Variants in PRDM16 observed in about 807,000 individuals in gnomAD.
PRDM16 encodes the protein histone-lysine N-methyltransferase PRDM16.
In PRDM16, 23 loss-of-function variants were observed where a neutral mutation model predicts 110.6. The ratio of observed to expected loss-of-function variants is 0.21; its 90% CI spans 0.15 to 0.29. The LOEUF (loss-of-function observed/expected upper bound fraction) is 0.29. PRDM16 is among the 10% of genes least tolerant of loss of function. The probability of loss-of-function intolerance (pLI) is 1.00; values close to 1 mark genes in which losing one functional copy is unlikely to be tolerated. For synonymous variants in PRDM16, 799 were observed against 781.8 expected (o/e 1.02, Z -0.37); for missense variants, 1,615 against 1,794.3 (o/e 0.90, Z 1.81).
Position 3,370,990 on chromosome 1 carries a change from G to A in PRDM16, c.439-14162G>A, listed in dbSNP as rs1010094042. ...TCATCCATTTGTCCATCCACCCACC[G>A]ATCCACCATCTATTCATCCATCCAT... On this transcript the variant is annotated intron_variant, in intron 3 of 16. Coordinates refer to ENST00000270722, the MANE Select transcript of PRDM16 (RefSeq NM_022114.4). The surrounding 1 kb of genome is among the most constrained non-coding windows in gnomAD (Gnocchi z 4.8). 5.9e-5 allele frequency among the ~76,000 whole-genome samples: 7 copies of A among 119,118 alleles called. No homozygotes were observed. The highest frequency in any genetic ancestry group is 1.0e-4 in the Non-Finnish European group (6 of 57,176). 78.1% of individuals were successfully genotyped at this position (119,118 alleles called of 152,430 possible). A position where few individuals can be genotyped will look rare whatever the true frequency, so the allele number is the denominator to read the frequency against.
Position 3,417,852 on chromosome 1 carries a change from G to A in PRDM16, c.2716G>A (p.Glu906Lys). 6.2e-7 allele frequency: 1 copy of A among 1,613,864 alleles called. No individual in the cohort carries two copies. The highest frequency in any genetic ancestry group is 8.5e-7 in the Non-Finnish European group (1 of 1,179,964). The change falls in exon 11 of 17, where the codon GAG (glutamate) becomes AAG (lysine). Residue 906 changes from glutamate (E) to lysine (K), a missense_variant. Around this residue, in one of 5 missense-constraint regions of PRDM16, gnomAD observed 772 missense variants for 748.3 expected, o/e 1.03. Coordinates refer to ENST00000270722, the MANE Select transcript of PRDM16 (RefSeq NM_022114.4). ...GATGTCAGCCATAGAGACCATGACA[G>A]AGAAGCTGGAGAGCTTTGCAGCCAT... is the stretch of plus-strand genomic sequence containing the variant. ...PQMSAIETMT[E>K]KLESFAAMKA...
chr1:3,085,269 G>A (rs1267839662), intron 1 of PRDM16, among the ~76,000 whole-genome samples: 5 of 152,206 alleles, frequency 3.3e-5, no homozygotes, highest in Admixed American at 1.3e-4. Flanking sequence ...GAGTTTCCTA[G>A]AGCCACGGCT....
At chr1:3,367,643 G>A (rs1014855348) in intron 3 of PRDM16, among the ~76,000 whole-genome samples, 1 of 152,222 alleles carries the variant, frequency 6.6e-6, no homozygotes, top group African/African-American at 2.4e-5. Context: ...GGTTCACAAG[G>A]AGAACTTCTT....
intron 3 of PRDM16, among the ~76,000 whole-genome samples, chr1:3,310,973 A>G (rs1641441427): frequency 6.6e-6 from 1 of 151,570 alleles, no homozygotes; most frequent in Admixed American, 6.6e-5. Flanking sequence ...GTGTGTAGGC[A>G]TGTGTGTGCG....
At chr1:3,336,024 C>G (rs1196633588) in intron 3 of PRDM16, among the ~76,000 whole-genome samples, 1 of 152,230 alleles carries the variant, frequency 6.6e-6, no homozygotes, top group South Asian at 2.1e-4. Context: ...TGTGACGTCT[C>G]GACAGCCTGC....
intron 4 of PRDM16, chr1:3,394,594 G>T (rs1643356737): frequency 2.7e-6 from 1 of 367,428 alleles, no homozygotes; most frequent in Non-Finnish European, 5.6e-6. Flanking sequence ...CCTCAGCCTC[G>T]CCCGCTGACC....
At chr1:3,118,028 G>A (rs1643002556) in intron 1 of PRDM16, among the ~76,000 whole-genome samples, 1 of 151,990 alleles carries the variant, frequency 6.6e-6, no homozygotes, top group African/African-American at 2.4e-5. Context: ...ATGTGTACAT[G>A]CATGTGTGTG....
chr1:3,371,282 C>T (rs1452311088), intron 3 of PRDM16, among the ~76,000 whole-genome samples: 2 of 142,056 alleles, frequency 1.4e-5, no homozygotes, highest in African/African-American at 5.2e-5. Context: ...CCATTCATTC[C>T]ACATCCATCC....
At position 3,412,739 on chromosome 1, in the gene PRDM16, C is replaced by A; in HGVS notation, c.2542C>A (p.Pro848Thr). 6.7e-7 allele frequency: 1 copy of A among 1,502,616 alleles called. No individual in the cohort carries two copies. Among genetic ancestry groups the A allele is most frequent in the South Asian group, 1.3e-5 (1 of 76,034 alleles). The allele number at this position is 1,502,616 out of a possible 1,614,324, so 93.1% of individuals were successfully genotyped here. Residue 848 changes from proline (P) to threonine (T), a missense_variant, in exon 9 of 17, where the codon CCC becomes ACC. Pro to Thr is a conservative substitution (Grantham distance 38). Around this residue, in one of 5 missense-constraint regions of PRDM16, gnomAD observed 772 missense variants for 748.3 expected, o/e 1.03. Transcript: ENST00000270722. ...GCCCCAGGTGTGCCCGGCGCGGATG[C>A]CCCAGCAGCCCCCGCTCCACTACGC... is the stretch of plus-strand genomic sequence containing the variant. ...GLPQVCPARM[P>T]QQPPLHYAKP...
Position 3,426,170 on chromosome 1 carries a change from A to G in PRDM16, c.3229A>G (p.Arg1077Gly), listed in dbSNP as rs1356695446. ...EKEDSYFSEIRNFIANSEMNQ... is the reference protein window; with the variant it reads ...EKEDSYFSEIGNFIANSEMNQ... ...AGAAGACTCTTATTTCTCGGAAATC[A>G]GAAACTTTATTGCCAATAGTGAGAT... The change falls in exon 14 of 17, where the codon AGA becomes GGA. Residue 1077 changes from arginine to glycine, a missense_variant. Coordinates refer to ENST00000270722, the MANE Select transcript of PRDM16 (RefSeq NM_022114.4). 2 of 1,613,918 alleles carry G rather than the reference A, an allele frequency of 1.2e-6. No homozygotes were observed. The highest frequency in any genetic ancestry group is 1.7e-6 in the Non-Finnish European group (2 of 1,179,982).
chr1:3,071,911 C>T lies in PRDM16; in HGVS notation c.37+2615C>T, dbSNP rs148934487. ...GTTTCCCTGGAGACCCCACTCCAAG[C>T]CTCAGTTCAGGTGGGTTAGTCCTCT... On this transcript the variant is annotated intron_variant, in intron 1 of 16. Transcript: ENST00000270722. 6.2e-4 allele frequency among the ~76,000 whole-genome samples: 95 copies of T among 152,352 alleles called. No individual in the cohort carries two copies. The East Asian group carries it at 0.017, about 27-fold the overall frequency.
At chr1:3,332,468 G>A (rs55807399) in intron 3 of PRDM16, among the ~76,000 whole-genome samples, 10 of 151,764 alleles carry the variant, frequency 6.6e-5, no homozygotes, top group African/African-American at 9.7e-5. Context: ...GCCCCCCCTC[G>A]GTTCGGTTTG....
intron 3 of PRDM16, among the ~76,000 whole-genome samples, chr1:3,378,961 C>T (rs1643043544): frequency 6.6e-6 from 1 of 151,974 alleles, no homozygotes; most frequent in African/African-American, 2.4e-5. Flanking sequence ...ACCCTCCATG[C>T]TGGGACAGGC....
At chr1:3,167,609 T>A (rs55658104) in intron 1 of PRDM16, among the ~76,000 whole-genome samples, 2 of 40,700 alleles carry the variant, frequency 4.9e-5, no homozygotes, top group Admixed American at 6.7e-4. Context: ...TCCCAGCACC[T>A]CTGTGACATT....
intron 3 of PRDM16, among the ~76,000 whole-genome samples, chr1:3,374,256 C>T (rs1642955833): frequency 6.6e-6 from 1 of 152,206 alleles, no homozygotes; most frequent in South Asian, 2.1e-4. Flanking sequence ...CTCTGGGGTC[C>T]CCAGATCAAA....
At chr1:3,426,350 G>GGGCCTCACCACAGAGGGTGAGGCCCCT in intron 14 of PRDM16, 125 bp downstream of exon 14, 1 of 721,270 alleles carries the variant, frequency 1.4e-6, no homozygotes. Flanking sequence ...GGCGCAGTGG[G>GGGCCTCACCACAGAGGGTGAGGCCCCT]GGCCTCACCA....
intron 2 of PRDM16, among the ~76,000 whole-genome samples, chr1:3,221,369 G>C (rs763994191): frequency 6.6e-6 from 1 of 152,316 alleles, no homozygotes; most frequent in East Asian, 1.9e-4. Context: ...CAATCAAACC[G>C]GATCATGTAC....
chr1:3,412,991 C>T (rs1643719478), intron 9 of PRDM16, among the ~76,000 whole-genome samples, 191 bp downstream of exon 9: 1 of 152,176 alleles, frequency 6.6e-6, no homozygotes, highest in South Asian at 2.1e-4. Context: ...CTTGGCTGCT[C>T]CTAAGCTAGG....
chr1:3,127,939 G>T (rs774286481), intron 1 of PRDM16: 1 of 154,142 alleles, frequency 6.5e-6, no homozygotes, highest in African/African-American at 2.4e-5. Flanking sequence ...TGGAGGAGGG[G>T]CTCCCGCCTC....
Sources: gnomAD v4.1 joint callset for allele counts (sites outside exome capture counted in the v4.1 genomes callset) on GRCh38, gnomAD v4.1.1 for gene constraint, gnomAD v4.1.1 regional missense constraint, Gnocchi (gnomAD v3.1) non-coding constraint, MANE v1.5 for transcripts, NCBI Gene and HGNC (gene_info 2026-07-23, HGNC 2026-07-21) for gene names.